EVL: variants seen among roughly 807,000 people sequenced by gnomAD.
EVL encodes the protein Enah/Vasp-like.
Under a neutral mutation model 59.6 loss-of-function variants are expected in EVL, and 21 were observed. The ratio of observed to expected loss-of-function variants is 0.35; its 90% CI spans 0.25 to 0.51. EVL has a LOEUF of 0.51. EVL is among the 20% of genes least tolerant of loss of function. The pLI is 0.97. For synonymous variants in EVL, 198 were observed against 203.5 expected (o/e 0.97, Z 0.23); for missense variants, 462 against 546.6 (o/e 0.85, Z 1.54).
At chr14:100,059,843 T>C (rs534407175) in intron 1 of EVL, among the ~76,000 whole-genome samples, 7 of 152,332 alleles carry the variant, frequency 4.6e-5, no homozygotes, top group African/African-American at 1.7e-4. Flanking sequence ...GTAATTTCCC[T>C]GACTACCAGA....
intron 1 of EVL, among the ~76,000 whole-genome samples, chr14:100,039,722 A>T (rs932049997): frequency 1.3e-5 from 2 of 152,086 alleles, no homozygotes; most frequent in African/African-American, 2.4e-5. Context: ...GAATTGGTCT[A>T]TATCTTCACC....
At chr14:100,140,936 G>T in intron 11 of EVL, 1 of 471,276 alleles carries the variant, frequency 2.1e-6, no homozygotes, top group Non-Finnish European at 3.8e-6. Context: ...CAGTTTCTTT[G>T]TTGACCCCAG....
intron 3 of EVL, among the ~76,000 whole-genome samples, chr14:100,098,046 A>G (rs1017877153): frequency 1.3e-5 from 2 of 152,248 alleles, no homozygotes; most frequent in Non-Finnish European, 2.9e-5. Flanking sequence ...AGTTTATTAA[A>G]TGCTTACTGA....
chr14:99,999,604 C>T (rs117542760), intron 1 of EVL, among the ~76,000 whole-genome samples: 376 of 152,270 alleles, frequency 2.5e-3, no homozygotes, highest in Non-Finnish European at 4.6e-3. Context: ...TAGAGACCAG[C>T]CTGAGCAACA....
intron 1 of EVL, among the ~76,000 whole-genome samples, chr14:100,018,961 T>C (rs758296842): frequency 6.6e-6 from 1 of 152,156 alleles, no homozygotes; most frequent in African/African-American, 2.4e-5. Context: ...GGGTACCTAC[T>C]ATATACTCGA....
At chr14:100,089,612 T>C (rs1309332612) in intron 2 of EVL, among the ~76,000 whole-genome samples, 2 of 152,184 alleles carry the variant, frequency 1.3e-5, no homozygotes, top group Non-Finnish European at 2.9e-5. Flanking sequence ...GCAATACTTG[T>C]GGGACGCAGC....
At chr14:100,091,742 C>T (rs1010107267) in intron 2 of EVL, among the ~76,000 whole-genome samples, 1 of 152,154 alleles carries the variant, frequency 6.6e-6, no homozygotes, top group African/African-American at 2.4e-5. Context: ...TCATGATAAC[C>T]ATGATTTATA....
At chr14:100,111,320 C>G (rs566202218) in intron 3 of EVL, among the ~76,000 whole-genome samples, 48 of 152,192 alleles carry the variant, frequency 3.2e-4, no homozygotes, top group Non-Finnish European at 4.6e-4. Flanking sequence ...CCACGCCCGG[C>G]TAATTTTTGT....
chr14:99,982,353 A>G (rs2060812495), intron 1 of EVL, among the ~76,000 whole-genome samples: 1 of 152,228 alleles, frequency 6.6e-6, no homozygotes, highest in Admixed American at 6.5e-5. Flanking sequence ...ACTATAATTT[A>G]TTCGTAATAT....
chr14:100,111,148 A>ATTTTTTTTTTT (rs35367426), intron 3 of EVL, among the ~76,000 whole-genome samples: 3 of 86,808 alleles, frequency 3.5e-5, no homozygotes, highest in Non-Finnish European at 2.1e-5. Context: ...TAGTGTCCTC[A>ATTTTTTTTTTT]TTTTTTTTTT....
intron 1 of EVL, among the ~76,000 whole-genome samples, chr14:100,011,781 G>C (rs774921544): frequency 1.3e-5 from 2 of 152,198 alleles, no homozygotes; most frequent in Non-Finnish European, 2.9e-5. Context: ...TGGCCTGGAT[G>C]AAGACTTAAA....
intron 1 of EVL, among the ~76,000 whole-genome samples, chr14:99,989,863 T>C (rs1176526172): frequency 2.0e-5 from 3 of 152,228 alleles, no homozygotes; most frequent in Non-Finnish European, 4.4e-5. Context: ...GCTTTTATAC[T>C]TGTAGTAGTA....
intron 3 of EVL, among the ~76,000 whole-genome samples, chr14:100,100,841 C>G (rs1886169556): frequency 1.3e-5 from 2 of 150,568 alleles, no homozygotes; most frequent in African/African-American, 4.9e-5. Flanking sequence ...ATTTATGTGG[C>G]TAAGGTACTC....
At chr14:100,000,758 G>T (rs1047603303) in intron 1 of EVL, among the ~76,000 whole-genome samples, 5 of 152,258 alleles carry the variant, frequency 3.3e-5, no homozygotes, top group African/African-American at 1.2e-4. Context: ...GCAGTTCCCA[G>T]TTTGACTTTT....
At chr14:99,977,897 ACCAGCCTGG>A (rs2060781063) in intron 1 of EVL, 1 of 150,328 alleles carries the variant, frequency 6.7e-6, no homozygotes, top group East Asian at 2.0e-4. Context: ...GGAGTTTGAG[ACCAGCCTGG>A]CCAGCATGGC....
At chr14:100,021,224 AT>A (rs1167630522) in intron 1 of EVL, among the ~76,000 whole-genome samples, 1 of 152,216 alleles carries the variant, frequency 6.6e-6, no homozygotes, top group Non-Finnish European at 1.5e-5. Flanking sequence ...GAAGAGGGTT[AT>A]GTATGAACAC....
chr14:100,053,666 C>T (rs574511703), intron 1 of EVL, among the ~76,000 whole-genome samples: 36 of 152,322 alleles, frequency 2.4e-4, no homozygotes, highest in Admixed American at 4.6e-4. Context: ...GTACTAAACA[C>T]CACTGAATTG....
chr14:100,099,911 T>C (rs1198494663), intron 3 of EVL, among the ~76,000 whole-genome samples: 1 of 151,212 alleles, frequency 6.6e-6, no homozygotes, highest in Non-Finnish European at 1.5e-5. Flanking sequence ...ACTTGTAGTT[T>C]TTATTTAATT....
intron 8 of EVL, 180 bp from the exon 9 acceptor site, chr14:100,135,725 T>C (rs1888738461): frequency 1.7e-6 from 1 of 592,466 alleles, no homozygotes; most frequent in Admixed American, 2.7e-5. Context: ...ACTGGCTCGA[T>C]TCTCTCCCCA....
Sources: allele counts gnomAD v4.1 joint callset (sites outside exome capture counted in the v4.1 genomes callset), GRCh38; gene constraint gnomAD v4.1.1; transcripts MANE v1.5; gene names NCBI Gene and HGNC (gene_info 2026-07-23, HGNC 2026-07-21).